Variants in CDK17 observed in about 807,000 individuals in gnomAD.
CDK17 encodes the protein cyclin dependent kinase 17, also known as cyclin-dependent kinase 17.
CDK17 carries 24 observed loss-of-function variants against 77.6 expected under a neutral mutation model. The ratio of observed to expected loss-of-function variants is 0.31; its 90% confidence interval spans 0.22 to 0.44. CDK17 has a LOEUF of 0.44. Among genes scored for constraint, CDK17 ranks in the 20% least tolerant of loss-of-function variants. The probability of loss-of-function intolerance (pLI) is 1.00; values close to 1 mark genes in which losing one functional copy is unlikely to be tolerated. For synonymous variants in CDK17, 203 were observed against 210.4 expected (o/e 0.96, Z 0.30); for missense variants, 429 against 622.5 (o/e 0.69, Z 3.31).
chr12:96,354,585 G>A (rs1327627738), intron 1 of CDK17, among the ~76,000 whole-genome samples: 1 of 152,106 alleles, frequency 6.6e-6, no homozygotes, highest in Non-Finnish European at 1.5e-5. Context: ...AGAATTTAAT[G>A]TTTAGAGCAT....
At chr12:96,310,861 T>TC (rs574913557) in intron 5 of CDK17, among the ~76,000 whole-genome samples, 191 bp downstream of exon 5, 1 of 151,422 alleles carries the variant, frequency 6.6e-6, no homozygotes, top group Non-Finnish European at 1.5e-5. Context: ...CCAATATGCA[T>TC]CCTATTGAAT....
chr12:96,396,781 C>A (rs768497886), intron 1 of CDK17, among the ~76,000 whole-genome samples: 1 of 151,888 alleles, frequency 6.6e-6, no homozygotes, highest in Non-Finnish European at 1.5e-5. Context: ...AACAAACAAA[C>A]AAACAAAAAA....
intron 1 of CDK17, among the ~76,000 whole-genome samples, chr12:96,340,652 A>C (rs1592739252): frequency 1.3e-5 from 2 of 152,316 alleles, no homozygotes; most frequent in East Asian, 3.9e-4. Flanking sequence ...ACATATGCTA[A>C]ACTAAAAACA....
At chr12:96,301,238 G>C (rs1344806185) in intron 5 of CDK17, among the ~76,000 whole-genome samples, 1 of 88,586 alleles carries the variant, frequency 1.1e-5, no homozygotes, top group Admixed American at 1.2e-4. Flanking sequence ...CTCAACACTC[G>C]GCCAAAAAAA....
At chr12:96,374,379 T>C (rs1953745436) in intron 1 of CDK17, among the ~76,000 whole-genome samples, 1 of 152,210 alleles carries the variant, frequency 6.6e-6, no homozygotes, top group Admixed American at 6.5e-5. Context: ...AGGTCATTCT[T>C]CACCTAGCCT....
intron 1 of CDK17, among the ~76,000 whole-genome samples, chr12:96,383,669 C>T (rs375663036): frequency 9.9e-5 from 15 of 152,066 alleles, no homozygotes; most frequent in Admixed American, 1.3e-4. Context: ...AAATAAACAA[C>T]GGGAGAAGGA....
intron 3 of CDK17, among the ~76,000 whole-genome samples, chr12:96,317,345 G>A (rs1384555420): frequency 8.6e-6 from 1 of 116,618 alleles, no homozygotes; most frequent in Non-Finnish European, 1.8e-5. Context: ...AAGTGATGCG[G>A]AGAATGGAAC....
chr12:96,326,570 G>C (rs898350840), intron 2 of CDK17, among the ~76,000 whole-genome samples: 2 of 152,234 alleles, frequency 1.3e-5, no homozygotes, highest in African/African-American at 4.8e-5. Context: ...CGACTTGTTA[G>C]AACAGTGGTC....
chr12:96,317,648 A>G (rs1165980896), intron 3 of CDK17, among the ~76,000 whole-genome samples: 2 of 128,910 alleles, frequency 1.6e-5, no homozygotes, highest in African/African-American at 5.6e-5. Context: ...AATATTCAAC[A>G]TTCTTAAAGA....
chr12:96,298,815 A>G (rs1952452726), intron 7 of CDK17, 54 bp downstream of exon 7: 1 of 929,902 alleles, frequency 1.1e-6, no homozygotes, highest in Non-Finnish European at 1.6e-6. Flanking sequence ...CTTATAAAAA[A>G]TAGACACTTA....
At chr12:96,307,593 A>AG (rs1386475893) in intron 5 of CDK17, among the ~76,000 whole-genome samples, 3 of 152,150 alleles carry the variant, frequency 2.0e-5, no homozygotes, top group African/African-American at 7.2e-5. Flanking sequence ...TGTCTTGGCC[A>AG]GGCACAGTGG....
intron 1 of CDK17, among the ~76,000 whole-genome samples, chr12:96,341,828 A>G (rs1953126532): frequency 6.6e-6 from 1 of 152,220 alleles, no homozygotes; most frequent in Non-Finnish European, 1.5e-5. Flanking sequence ...CAGCACTTGC[A>G]GTAAGAAACT....
intron 3 of CDK17, among the ~76,000 whole-genome samples, chr12:96,314,966 T>C (rs939807594): frequency 2.0e-5 from 3 of 152,200 alleles, no homozygotes; most frequent in Non-Finnish European, 4.4e-5. Context: ...TTTTGGTGCA[T>C]GTGATTTTAT....
intron 1 of CDK17, among the ~76,000 whole-genome samples, chr12:96,384,618 G>A (rs1314858365): frequency 6.6e-6 from 1 of 152,214 alleles, no homozygotes; most frequent in African/African-American, 2.4e-5. Flanking sequence ...CAACATGGAT[G>A]CAGCTGGAGA....
intron 1 of CDK17, among the ~76,000 whole-genome samples, chr12:96,379,670 T>C (rs972100710): frequency 2.6e-5 from 4 of 152,000 alleles, no homozygotes; most frequent in Admixed American, 6.6e-5. Context: ...GCTCAAGCAA[T>C]CCTTTCACCT....
At chr12:96,283,779 T>A in intron 13 of CDK17, 134 bp from the exon 14 acceptor site, 1 of 571,994 alleles carries the variant, frequency 1.7e-6, no homozygotes. Context: ...TGTCTTCAAA[T>A]AGACACAAAT....
chr12:96,316,086 C>T (rs1451870620), intron 3 of CDK17, among the ~76,000 whole-genome samples: 2 of 152,176 alleles, frequency 1.3e-5, no homozygotes, highest in Admixed American at 6.5e-5. Flanking sequence ...TGGGCGCAGG[C>T]CAGTGTGTGT....
intron 11 of CDK17, among the ~76,000 whole-genome samples, chr12:96,288,057 C>T (rs1246961155): frequency 6.6e-6 from 1 of 151,872 alleles, no homozygotes; most frequent in Non-Finnish European, 1.5e-5. Flanking sequence ...TAAGTGGGTA[C>T]AGAGTTTTGG....
intron 1 of CDK17, among the ~76,000 whole-genome samples, chr12:96,377,905 G>A (rs900647365): frequency 9.9e-5 from 15 of 152,134 alleles, no homozygotes; most frequent in African/African-American, 1.4e-4. Context: ...GTGTTAGCCA[G>A]GATGGTCTTG....
Sources: allele counts gnomAD v4.1 joint callset (sites outside exome capture counted in the v4.1 genomes callset), GRCh38; gene constraint gnomAD v4.1.1; transcripts MANE v1.5; gene names NCBI Gene and HGNC (gene_info 2026-07-23, HGNC 2026-07-21).